The following NRG1 variants were observed in gnomAD, a reference collection of about 807,000 sequenced individuals.
NRG1 encodes pro-neuregulin-1, membrane-bound isoform.
A neutral mutation model predicts 63.8 loss-of-function variants in NRG1; 18 were observed. That is an observed-to-expected ratio of 0.28 (90% confidence interval 0.19 to 0.42). NRG1 has a LOEUF of 0.42. Ranked by LOEUF, NRG1 falls within the 10% of genes least tolerant of loss-of-function variation. The pLI is 1.00. For synonymous variants in NRG1, 302 were observed against 301.3 expected, an observed-to-expected ratio of 1.00 and a Z score of -0.02; for missense variants, 762 against 814.7, an observed-to-expected ratio of 0.94 and a Z score of 0.79.
chr8:31,689,158 G>A (rs1809223269), intron 1 of NRG1, among the ~76,000 whole-genome samples: 1 of 152,080 alleles, frequency 6.6e-6, no homozygotes, highest in Admixed American at 6.5e-5. Context: ...CTTGTTTTAA[G>A]GTCACATGAT....
chr8:31,918,466 G>T (rs1243645721), intron 1 of NRG1, among the ~76,000 whole-genome samples: 1 of 152,140 alleles, frequency 6.6e-6, no homozygotes, highest in Non-Finnish European at 1.5e-5. Flanking sequence ...TAATCATGTG[G>T]TATTTGTCTT....
At chr8:31,686,781 T>C (rs1392658651) in intron 1 of NRG1, among the ~76,000 whole-genome samples, 1 of 152,122 alleles carries the variant, frequency 6.6e-6, no homozygotes, top group African/African-American at 2.4e-5. Context: ...TTTGTTTTTG[T>C]TTTTTGAGAC....
At chr8:32,371,664 A>G (rs1025942332) in intron 1 of NRG1, among the ~76,000 whole-genome samples, 1 of 152,200 alleles carries the variant, frequency 6.6e-6, no homozygotes, top group Non-Finnish European at 1.5e-5. Flanking sequence ...GGATGCTAAC[A>G]TGGAACTTGT....
intron 1 of NRG1, among the ~76,000 whole-genome samples, chr8:32,257,518 G>A (rs1849865332): frequency 1.3e-5 from 2 of 152,170 alleles, no homozygotes; most frequent in African/African-American, 4.8e-5. Context: ...GTGGATCAAA[G>A]TGTTAAGATA....
chr8:32,386,960 A>G (rs1811097963), intron 1 of NRG1, among the ~76,000 whole-genome samples: 1 of 149,262 alleles, frequency 6.7e-6, no homozygotes, highest in Non-Finnish European at 1.5e-5. Flanking sequence ...AACAAAACTC[A>G]CATATGTAAA....
At chr8:32,746,856 C>A (rs1386578458) in intron 7 of NRG1, among the ~76,000 whole-genome samples, 2 of 141,372 alleles carry the variant, frequency 1.4e-5, no homozygotes, top group Non-Finnish European at 1.5e-5. Flanking sequence ...GAAAAGTGTT[C>A]GTGTATTCTG....
chr8:32,555,559 C>T (rs535895614), intron 1 of NRG1, among the ~76,000 whole-genome samples: 1 of 152,298 alleles, frequency 6.6e-6, no homozygotes, highest in African/African-American at 2.4e-5. Flanking sequence ...GCAAGCTCCG[C>T]CTCCCGGGTT....
At chr8:32,330,980 T>G (rs1470975020) in intron 1 of NRG1, among the ~76,000 whole-genome samples, 1 of 152,206 alleles carries the variant, frequency 6.6e-6, no homozygotes, top group Non-Finnish European at 1.5e-5. Context: ...CCTGTACTTT[T>G]CTGTCTGTTG....
chr8:31,923,712 A>G (rs1119807), intron 1 of NRG1, among the ~76,000 whole-genome samples: 129,247 of 151,618 alleles, frequency 0.85, 55,808 homozygotes, highest in Non-Finnish European at 0.91. Context: ...ATGTGTTGTT[A>G]TTATTTTTTG....
chr8:31,825,837 G>A (rs2129604424), intron 1 of NRG1, among the ~76,000 whole-genome samples: 1 of 152,326 alleles, frequency 6.6e-6, no homozygotes, highest in Admixed American at 6.5e-5. Flanking sequence ...TGCCTATTGA[G>A]TGTCAGTCAT....
intron 1 of NRG1, among the ~76,000 whole-genome samples, chr8:31,664,557 T>G (rs567265930): frequency 6.6e-6 from 1 of 152,344 alleles, no homozygotes; most frequent in East Asian, 1.9e-4. Context: ...TAATCTCTTA[T>G]AAGAGTAGTT....
chr8:32,146,453 A>G (rs1836877147), intron 1 of NRG1, among the ~76,000 whole-genome samples: 1 of 152,174 alleles, frequency 6.6e-6, no homozygotes, highest in African/African-American at 2.4e-5. Context: ...CCTCCTCTAC[A>G]TTAAAATGAT....
At chr8:31,648,124 CTTTTTTTTTTT>C (rs36074483) in intron 1 of NRG1, among the ~76,000 whole-genome samples, 6 of 51,274 alleles carry the variant, frequency 1.2e-4, no homozygotes, top group African/African-American at 4.6e-4. Context: ...TTTGACTACT[CTTTTTTTTTTT>C]TTTTTTTTTT....
chr8:32,075,799 A>G (rs367650486), intron 1 of NRG1, among the ~76,000 whole-genome samples: 7 of 152,104 alleles, frequency 4.6e-5, no homozygotes, highest in South Asian at 4.2e-4. Context: ...TCAGCCCCCA[A>G]GTAGCTGGGA....
intron 1 of NRG1, among the ~76,000 whole-genome samples, chr8:31,680,537 T>C (rs1321532675): frequency 6.6e-6 from 1 of 151,134 alleles, no homozygotes; most frequent in Non-Finnish European, 1.5e-5. Flanking sequence ...ATCCAGTCTA[T>C]CATTGTTGGA....
chr8:31,842,868 C>T (rs188107611), intron 1 of NRG1, among the ~76,000 whole-genome samples: 182 of 152,244 alleles, frequency 1.2e-3, no homozygotes, highest in African/African-American at 4.0e-3. Context: ...GCAAGTTTTA[C>T]CCTCTAATTT....
At chr8:32,309,909 A>T (rs754511731) in intron 1 of NRG1, among the ~76,000 whole-genome samples, 1 of 152,244 alleles carries the variant, frequency 6.6e-6, no homozygotes, top group Non-Finnish European at 1.5e-5. Context: ...AAAAAATGTT[A>T]AGTCCACCCT....
intron 5 of NRG1, among the ~76,000 whole-genome samples, chr8:32,673,695 C>G (rs1806303944): frequency 6.6e-6 from 1 of 152,190 alleles, no homozygotes; most frequent in Non-Finnish European, 1.5e-5. Context: ...AGAATCCACT[C>G]TAGTGAATTC....
chr8:32,320,864 T>C (rs769776038), intron 1 of NRG1, among the ~76,000 whole-genome samples: 5 of 152,352 alleles, frequency 3.3e-5, no homozygotes, highest in Non-Finnish European at 7.3e-5. Flanking sequence ...ATCTGGTTAA[T>C]TCTGATACTA....
Sources: gnomAD v4.1 joint callset for allele counts (sites outside exome capture counted in the v4.1 genomes callset) on GRCh38, gnomAD v4.1.1 for gene constraint, MANE v1.5 for transcripts, NCBI Gene and HGNC (gene_info 2026-07-23, HGNC 2026-07-21) for gene names.